PPP1R9A: variants seen among roughly 807,000 people sequenced by gnomAD.
The protein encoded by PPP1R9A is neurabin-1.
In PPP1R9A, 59 loss-of-function variants were observed where a neutral mutation model predicts 141.9. The observed-to-expected ratio is 0.42, with a 90% CI of 0.34 to 0.52. PPP1R9A has a LOEUF of 0.52. Among genes scored for constraint, PPP1R9A ranks in the 20% least tolerant of loss-of-function variants. The pLI is 0.10. For synonymous variants in PPP1R9A, 500 were observed against 569.7 expected, an observed-to-expected ratio of 0.88 and a Z score of 1.74; for missense variants, 1,444 against 1,611.9, an observed-to-expected ratio of 0.90 and a Z score of 1.78.
At position 95,225,968 on chromosome 7, in the gene PPP1R9A, A is replaced by T; in HGVS notation, c.1964A>T (p.Glu655Val). The change falls in exon 8 of 20, where the codon GAA (glutamate) becomes GTA (valine). Residue 655 changes from glutamate (E) to valine (V), a missense_variant. By Grantham distance (121) the Glu-to-Val change is moderately radical. This residue lies in a region of PPP1R9A where 488 missense variants were observed against 542.0 expected (regional missense o/e 0.90). Coordinates refer to ENST00000433360, the MANE Select transcript of PPP1R9A (RefSeq NM_001166160.2). ...NNNNYFLKTGEYATDEEEDEV... is the reference protein window; with the variant it reads ...NNNNYFLKTGVYATDEEEDEV... ...AAATCCCCTTCCTTTCAGACAGGAG[A>T]ATATGCCACAGATGAAGAAGAAGAT... 1 of 1,604,942 alleles carries T rather than the reference A, an allele frequency of 6.2e-7. No homozygotes were observed. Among genetic ancestry groups the T allele is most frequent in the South Asian group, 1.1e-5 (1 of 90,464 alleles).
chr7:95,237,593 T>C (rs1373568213), intron 8 of PPP1R9A, among the ~76,000 whole-genome samples: 1 of 152,144 alleles, frequency 6.6e-6, no homozygotes, highest in African/African-American at 2.4e-5. Context: ...CTACCAAATC[T>C]GAAAAAGCAT....
chr7:95,256,843 C>T (rs1283786869), intron 12 of PPP1R9A, among the ~76,000 whole-genome samples: 1 of 151,884 alleles, frequency 6.6e-6, no homozygotes, highest in African/African-American at 2.4e-5. Context: ...TAAAATATGC[C>T]ATAAAAATAG....
At chr7:95,218,109 G>C (rs1793783788) in intron 7 of PPP1R9A, among the ~76,000 whole-genome samples, 1 of 152,152 alleles carries the variant, frequency 6.6e-6, no homozygotes, top group African/African-American at 2.4e-5. Context: ...TGGGCATTTA[G>C]TGCTATAAAT....
intron 2 of PPP1R9A, among the ~76,000 whole-genome samples, chr7:95,099,919 T>A (rs1818534899): frequency 6.6e-6 from 1 of 152,146 alleles, no homozygotes; most frequent in Admixed American, 6.6e-5. Flanking sequence ...CTTAATCTTA[T>A]TTCATTAATA....
rs764440879 is a variant in PPP1R9A at position 95,250,174 on chromosome 7, T to C, written c.2315T>C (p.Leu772Pro). 4.3e-6 allele frequency: 7 copies of C among 1,613,912 alleles called. No homozygotes were observed. The highest frequency in any genetic ancestry group is 5.9e-6 in the Non-Finnish European group (7 of 1,179,926). Residue 772 changes from leucine (L) to proline (P), a missense_variant, in exon 10 of 20, where the codon CTC becomes CCC. Leu to Pro is a moderately conservative substitution (Grantham distance 98). Coordinates refer to ENST00000433360, the MANE Select transcript of PPP1R9A (RefSeq NM_001166160.2). ...QTLCHTVNEH[L>P]KETQSQYQAL... ...TTATGCCACACAGTGAATGAGCATC[T>C]CAAAGAGACTCAAAGCCAGTATCAG... is the stretch of plus-strand genomic sequence containing the variant.
At chr7:95,070,857 CA>C (rs924130128) in intron 2 of PPP1R9A, among the ~76,000 whole-genome samples, 4 of 151,520 alleles carry the variant, frequency 2.6e-5, no homozygotes, top group African/African-American at 9.7e-5. Context: ...TGTATTCTAT[CA>C]TATGGAAAGA....
chr7:95,196,526 A>G (rs1441197732), intron 5 of PPP1R9A, among the ~76,000 whole-genome samples: 1 of 152,218 alleles, frequency 6.6e-6, no homozygotes, highest in Non-Finnish European at 1.5e-5. Context: ...AAATGTTTAT[A>G]GTAACTTTCT....
rs148478037 is a variant in PPP1R9A, at chr7:95,073,739, A to G, written c.1396-37520A>G. Among the ~76,000 whole-genome samples, 973 of 150,650 alleles carry G rather than the reference A, an allele frequency of 6.5e-3. 11 individuals are homozygous for G. The highest frequency in any genetic ancestry group is 0.023 in the African/African-American group (927 of 41,034). ...CATATATAAATACATATATATATAA[A>G]TAAATACTGTTTTTTTGCTTTTTTG... On this transcript the variant is annotated intron_variant, in intron 2 of 19. Transcript: ENST00000433360.
chr7:95,038,095 G>C (rs1278986132), intron 2 of PPP1R9A, among the ~76,000 whole-genome samples: 1 of 150,238 alleles, frequency 6.7e-6, no homozygotes, highest in African/African-American at 2.5e-5. Context: ...CTGGGTGACA[G>C]AACAAGACCA....
At chr7:95,195,159 A>T (rs1836058304) in intron 5 of PPP1R9A, among the ~76,000 whole-genome samples, 1 of 152,178 alleles carries the variant, frequency 6.6e-6, no homozygotes, top group South Asian at 2.1e-4. Flanking sequence ...AAATCAATTT[A>T]CAAGATATCA....
chr7:95,105,990 C>T (rs993345888), intron 2 of PPP1R9A, among the ~76,000 whole-genome samples: 24 of 152,228 alleles, frequency 1.6e-4, no homozygotes, highest in Admixed American at 8.5e-4. Flanking sequence ...AGGCTGGGCT[C>T]ATGCCTATAA....
In PPP1R9A at chr7:95,238,421, G is replaced by T. The variant is rs185714791; in HGVS notation, c.2113-9052G>T. Among the ~76,000 whole-genome samples, 157 of 152,202 alleles carry T rather than the reference G, an allele frequency of 1.0e-3. 1 individual carries two copies. Among genetic ancestry groups the T allele is most frequent in the South Asian group, 4.2e-3 (20 of 4,808 alleles). On this transcript the variant is annotated intron_variant, in intron 8 of 19. Coordinates refer to ENST00000433360, the MANE Select transcript of PPP1R9A (RefSeq NM_001166160.2). ...ATCCCTGATGTACCTCCAGATACAG[G>T]CTTACTCAGGTTATGTGGAGAAGAC...
chr7:95,103,697 A>C (rs1336214198), intron 2 of PPP1R9A, among the ~76,000 whole-genome samples: 3 of 152,116 alleles, frequency 2.0e-5, no homozygotes, highest in Non-Finnish European at 4.4e-5. Context: ...AATCCATTAA[A>C]ACACTAGGCT....
At chr7:94,986,990 G>A (rs1392731704) in intron 2 of PPP1R9A, among the ~76,000 whole-genome samples, 2 of 152,132 alleles carry the variant, frequency 1.3e-5, no homozygotes, top group Non-Finnish European at 2.9e-5. Flanking sequence ...TTCTCTTGTC[G>A]GGGTATGGAT....
At chr7:95,096,394 A>G (rs771774814) in intron 2 of PPP1R9A, among the ~76,000 whole-genome samples, 2 of 152,012 alleles carry the variant, frequency 1.3e-5, no homozygotes, top group Non-Finnish European at 1.5e-5. Context: ...GGACAGTGCA[A>G]TCATATTCTT....
chr7:95,226,757 G>GGT (rs545943963), intron 8 of PPP1R9A, among the ~76,000 whole-genome samples: 122 of 152,308 alleles, frequency 8.0e-4, no homozygotes, highest in Non-Finnish European at 1.3e-3. Context: ...AAGGGAGTAT[G>GGT]GTGATGCAGT....
chr7:95,023,809 C>T (rs1415033454), intron 2 of PPP1R9A, among the ~76,000 whole-genome samples: 1 of 152,182 alleles, frequency 6.6e-6, no homozygotes, highest in African/African-American at 2.4e-5. Flanking sequence ...GCCTTGGCCT[C>T]CCAAAGTGTT....
chr7:95,072,656 AATAT>A (rs1037114420), intron 2 of PPP1R9A, among the ~76,000 whole-genome samples: 4 of 123,930 alleles, frequency 3.2e-5, no homozygotes, highest in African/African-American at 1.2e-4. Flanking sequence ...TATATTATAA[AATAT>A]ATATTATATA....
intron 2 of PPP1R9A, among the ~76,000 whole-genome samples, chr7:95,110,338 T>G (rs1820333087): frequency 6.6e-6 from 1 of 152,208 alleles, no homozygotes; most frequent in South Asian, 2.1e-4. Context: ...AATATTATTT[T>G]AAAATCTAAT....
Sources: allele counts gnomAD v4.1 joint callset (sites outside exome capture counted in the v4.1 genomes callset), GRCh38; gene constraint gnomAD v4.1.1; regional missense constraint gnomAD v4.1.1; transcripts MANE v1.5; gene names NCBI Gene and HGNC (gene_info 2026-07-23, HGNC 2026-07-21).